The following CDH13 variants were observed in gnomAD, a reference collection of about 807,000 sequenced individuals.
The protein encoded by CDH13 is cadherin-13.
A neutral mutation model predicts 63.8 loss-of-function variants in CDH13; 24 were observed. That is an observed-to-expected ratio of 0.38 (90% CI 0.27 to 0.53). The LOEUF (loss-of-function observed/expected upper bound fraction) is 0.53. Ranked by LOEUF, CDH13 falls within the 20% of genes least tolerant of loss-of-function variation. The probability of loss-of-function intolerance (pLI) is 0.85; values close to 1 mark genes in which losing one functional copy is unlikely to be tolerated. For synonymous variants in CDH13, 503 were observed against 355.3 expected (o/e 1.42, Z -4.67); for missense variants, 1,049 against 903.1 (o/e 1.16, Z -2.07).
intron 2 of CDH13, among the ~76,000 whole-genome samples, chr16:82,891,181 A>T (rs2041068452): frequency 6.6e-6 from 1 of 152,022 alleles, no homozygotes; most frequent in Non-Finnish European, 1.5e-5. Context: ...TCTCTGTAAG[A>T]GGCTCTGAAT....
At chr16:82,835,494 A>T (rs1450637322) in intron 1 of CDH13, among the ~76,000 whole-genome samples, 1 of 152,174 alleles carries the variant, frequency 6.6e-6, no homozygotes, top group Non-Finnish European at 1.5e-5. Flanking sequence ...CTTCCTGGGG[A>T]AAGTGAATTC....
chr16:83,648,542 C>G (rs779641948), intron 8 of CDH13, among the ~76,000 whole-genome samples: 4 of 152,092 alleles, frequency 2.6e-5, no homozygotes, highest in Admixed American at 6.5e-5. Flanking sequence ...TGCAGCTGCC[C>G]AGAGTGGTCA....
At chr16:83,029,248 C>T in intron 2 of CDH13, among the ~76,000 whole-genome samples, 1 of 152,256 alleles carries the variant, frequency 6.6e-6, no homozygotes, top group East Asian at 1.9e-4. Flanking sequence ...ATTTATATGG[C>T]TTTCACAGTG....
chr16:83,783,230 C>G, intron 12 of CDH13, 24 bp from the exon 13 acceptor site: 1 of 1,563,506 alleles, frequency 6.4e-7, no homozygotes, highest in Non-Finnish European at 8.8e-7. Flanking sequence ...TCCACTCTCA[C>G]CAGAACCCTC....
At chr16:83,557,656 G>C (rs1430006471) in intron 7 of CDH13, among the ~76,000 whole-genome samples, 1 of 152,130 alleles carries the variant, frequency 6.6e-6, no homozygotes, top group Non-Finnish European at 1.5e-5. Flanking sequence ...CTGGAGTTGA[G>C]TCTGGGAGGT....
intron 8 of CDH13, among the ~76,000 whole-genome samples, chr16:83,659,085 C>T (rs1427517090): frequency 8.8e-5 from 13 of 147,208 alleles, no homozygotes; most frequent in African/African-American, 2.3e-4. Flanking sequence ...CCAGCAAGGT[C>T]CCATGTCCTC....
chr16:83,205,708 G>A (rs28637437), intron 4 of CDH13, among the ~76,000 whole-genome samples: 137,867 of 150,950 alleles, frequency 0.91, 63,915 homozygotes, highest in Non-Finnish European at 0.99. Flanking sequence ...GATTTCAAGC[G>A]ATTCCCCTGC....
intron 8 of CDH13, among the ~76,000 whole-genome samples, chr16:83,643,346 C>G (rs1428192714): frequency 1.3e-5 from 2 of 150,052 alleles, no homozygotes; most frequent in Non-Finnish European, 3.0e-5. Context: ...TGAGAGAGGA[C>G]TATGTTCTTT....
intron 1 of CDH13, among the ~76,000 whole-genome samples, chr16:82,693,122 C>T (rs1053025013): frequency 6.6e-6 from 1 of 152,126 alleles, no homozygotes; most frequent in African/African-American, 2.4e-5. Context: ...ATAATAGCCT[C>T]AAAGGAAATG....
intron 1 of CDH13, among the ~76,000 whole-genome samples, chr16:82,663,254 T>C (rs1912182641): frequency 6.6e-6 from 1 of 152,308 alleles, no homozygotes; most frequent in East Asian, 1.9e-4. Context: ...TGGCGCGATC[T>C]CGGCTCACCG....
intron 8 of CDH13, among the ~76,000 whole-genome samples, chr16:83,616,437 C>T (rs1022632342): frequency 2.0e-5 from 3 of 152,064 alleles, no homozygotes; most frequent in Admixed American, 6.6e-5. Flanking sequence ...TCTGGTTATG[C>T]TCAAGGGTCA....
At chr16:82,776,806 C>T (rs2035519730) in intron 1 of CDH13, among the ~76,000 whole-genome samples, 2 of 152,190 alleles carry the variant, frequency 1.3e-5, no homozygotes, top group Admixed American at 6.5e-5. Context: ...TGGGAGCTTC[C>T]ACTTCAACCT....
chr16:83,437,235 C>G (rs146327230), intron 6 of CDH13, among the ~76,000 whole-genome samples: 130 of 152,248 alleles, frequency 8.5e-4, no homozygotes, highest in Middle Eastern at 3.4e-3. Flanking sequence ...TACTTGACCT[C>G]TCTGTGTCTC....
intron 7 of CDH13, among the ~76,000 whole-genome samples, chr16:83,592,323 G>C (rs1906837832): frequency 6.6e-6 from 1 of 152,124 alleles, no homozygotes; most frequent in South Asian, 2.1e-4. Flanking sequence ...TATCTCATCT[G>C]ACCTTACGTA....
chr16:83,115,296 G>C (rs116595722), intron 3 of CDH13, among the ~76,000 whole-genome samples: 141 of 152,316 alleles, frequency 9.3e-4, no homozygotes, highest in African/African-American at 3.3e-3. Context: ...TCGTTGAATG[G>C]ATTAAGTGAG....
Position 83,766,387 on chromosome 16 carries a change from G to A in CDH13, c.1682-13581G>A, listed in dbSNP as rs568184354. ...GTAGTTTTTGCCATTGCAAGTAATG[G>A]CAAAAAACCACAATTACTTGTGCAT... is the stretch of plus-strand genomic sequence containing the variant. On this transcript the variant is annotated intron_variant, in intron 11 of 13. Transcript: ENST00000567109. Among the ~76,000 whole-genome samples, 3 of 152,214 alleles carry A rather than the reference G, an allele frequency of 2.0e-5. No homozygotes were observed. In the South Asian group the frequency reaches 6.2e-4, roughly 32 times the overall value.
At chr16:83,413,565 T>C (rs573410807) in intron 6 of CDH13, among the ~76,000 whole-genome samples, 1 of 152,314 alleles carries the variant, frequency 6.6e-6, no homozygotes, top group South Asian at 2.1e-4. Context: ...TGGGGAAAGT[T>C]ACAGTCAAGA....
At chr16:83,229,816 C>T (rs971297463) in intron 5 of CDH13, among the ~76,000 whole-genome samples, 1 of 152,170 alleles carries the variant, frequency 6.6e-6, no homozygotes, top group African/African-American at 2.4e-5. Flanking sequence ...ATCCTCGTTC[C>T]TGTTTCTGCA....
In CDH13 at chr16:82,792,677, C is replaced by T. The variant is rs564881907; in HGVS notation, c.46-65685C>T. Among the ~76,000 whole-genome samples, 702 of 152,276 alleles carry T rather than the reference C, an allele frequency of 4.6e-3. 4 individuals carry two copies. Among genetic ancestry groups the T allele is most frequent in the Middle Eastern group, 0.02 (6 of 294 alleles). On this transcript the variant is annotated intron_variant, in intron 1 of 13. Coordinates refer to ENST00000567109, the MANE Select transcript of CDH13 (RefSeq NM_001257.5). ...CATTCAGGGTGAATTGAGCTGAATT[C>T]GGTACATGGCTCTGTACTCAGAAGG...
Sources: gnomAD v4.1 joint callset for allele counts (sites outside exome capture counted in the v4.1 genomes callset) on GRCh38, gnomAD v4.1.1 for gene constraint, MANE v1.5 for transcripts, NCBI Gene and HGNC (gene_info 2026-07-23, HGNC 2026-07-21) for gene names.